The following DOP1B variants were observed in gnomAD, a reference collection of about 807,000 sequenced individuals.
DOP1B encodes the protein protein DOP1B.
DOP1B carries 174 observed loss-of-function variants against 233.5 expected under a neutral mutation model. That is an observed-to-expected ratio of 0.75 (90% CI 0.66 to 0.85). The LOEUF is 0.85. DOP1B is among the 40% of genes least tolerant of loss of function. The probability of loss-of-function intolerance (pLI) is 0.00; values close to 1 mark genes in which losing one functional copy is unlikely to be tolerated. For missense variants in DOP1B, 2,652 were observed against 2,846.6 expected (o/e 0.93, Z 1.56); for synonymous variants, 1,190 against 1,185.6 (o/e 1.00, Z -0.08).
At chr21:36,172,230 T>A (rs1355844769) in intron 2 of DOP1B, among the ~76,000 whole-genome samples, 1 of 152,086 alleles carries the variant, frequency 6.6e-6, no homozygotes, top group African/African-American at 2.4e-5. Context: ...CCAGGGAGGC[T>A]GTGAGCAAGG....
At chr21:36,235,869 G>T (rs1034094239) in intron 15 of DOP1B, among the ~76,000 whole-genome samples, 1 of 147,716 alleles carries the variant, frequency 6.8e-6, no homozygotes, top group Admixed American at 6.8e-5. Context: ...AAGTCGGGGG[G>T]GGGGCGGTCT....
chr21:36,259,436 A>G (rs1452496320), intron 23 of DOP1B, among the ~76,000 whole-genome samples: 1 of 150,532 alleles, frequency 6.6e-6, no homozygotes, highest in Non-Finnish European at 1.5e-5. Flanking sequence ...ATGCCCAGTT[A>G]ATTTTTTTGT....
intron 27 of DOP1B, among the ~76,000 whole-genome samples, chr21:36,271,284 CAGGTTGGAGTT>C (rs1368771173): frequency 0.061 from 8,954 of 146,946 alleles, 771 homozygotes; most frequent in African/African-American, 0.19. Context: ...GGAGTTCACC[CAGGTTGGAGTT>C]CACCCAGGTT....
chr21:36,269,327 G>C (rs2067261666), intron 26 of DOP1B, among the ~76,000 whole-genome samples: 2 of 151,310 alleles, frequency 1.3e-5, no homozygotes, highest in Non-Finnish European at 2.9e-5. Flanking sequence ...ACCTAATTTT[G>C]TATTCTTACT....
At chr21:36,183,470 C>T (rs1179497078) in intron 2 of DOP1B, among the ~76,000 whole-genome samples, 1 of 152,248 alleles carries the variant, frequency 6.6e-6, no homozygotes, top group Non-Finnish European at 1.5e-5. Context: ...ACCCGAGAGC[C>T]AGAGCCTGTT....
rs753447130 is a variant in DOP1B at position 36,245,647 on chromosome 21, G to T, written c.3667G>T (p.Ala1223Ser). The T allele has an allele frequency of 3.1e-6, 5 of 1,613,526 alleles. No individual in the cohort carries two copies. Among genetic ancestry groups the T allele is most frequent in the Non-Finnish European group, 4.2e-6 (5 of 1,179,984 alleles). ...QQRERQEAVE[A>S]LFKHILLYLQ... ...GCGGGAAAGGCAGGAGGCCGTCGAG[G>T]CCTTGTTCAAGCACATCCTGCTCTA... Residue 1223 changes from alanine to serine, a missense_variant, in exon 19 of 37, where the codon GCC (alanine) becomes TCC (serine). Physicochemically the swap from Ala to Ser is moderately conservative, Grantham distance 99. Transcript: ENST00000691173. The surrounding 1 kb of genome is among the most constrained non-coding windows in gnomAD (Gnocchi z 5.5).
intron 23 of DOP1B, 88 bp from the exon 24 acceptor site, chr21:36,260,589 G>C: frequency 6.4e-7 from 1 of 1,560,692 alleles, no homozygotes; most frequent in Non-Finnish European, 8.7e-7. Flanking sequence ...TGCTTTGTTA[G>C]GCTATAGATC....
intron 27 of DOP1B, among the ~76,000 whole-genome samples, chr21:36,273,636 C>T (rs1281814786): frequency 1.3e-5 from 2 of 151,996 alleles, no homozygotes; most frequent in Non-Finnish European, 2.9e-5. Context: ...GGCACTGCCC[C>T]GAGGGGATTG....
At chr21:36,232,367 A>G (rs2284633) in intron 14 of DOP1B, among the ~76,000 whole-genome samples, 16,482 of 152,206 alleles carry the variant, frequency 0.11, 1,224 homozygotes, top group East Asian at 0.25. Context: ...GGAAGCCAGA[A>G]GTCCAAGATC....
chr21:36,245,386 C>T lies in DOP1B; in HGVS notation c.3406C>T (p.Gln1136Ter). 6.2e-7 allele frequency: 1 copy of T among 1,614,102 alleles called. No homozygotes were observed. Among genetic ancestry groups the T allele is most frequent in the Non-Finnish European group, 8.5e-7 (1 of 1,180,050 alleles). The change falls in exon 19 of 37, where the codon CAG becomes TAG. Residue 1136 changes from glutamine to a stop codon, truncating the protein, a stop_gained. Coordinates refer to ENST00000691173, the MANE Select transcript of DOP1B (RefSeq NM_001320714.2). LOFTEE classifies it high-confidence loss of function. This position sits in a 1 kb window ranked among gnomAD's most constrained non-coding sequence, Gnocchi z 5.5. ...CTTCTCCTCCCCTTCCCACGACCTG[C>T]AGGAGCTGAGCAACGAAGAGAACTG... ...SSFSSPSHDL[Q>*]ELSNEENCCA...
intron 27 of DOP1B, among the ~76,000 whole-genome samples, chr21:36,271,294 T>TGCACCCAGG (rs1398632071): frequency 0.029 from 3,798 of 130,974 alleles, 140 homozygotes; most frequent in Admixed American, 0.1. Context: ...CAGGTTGGAG[T>TGCACCCAGG]TCACCCAGGT....
Position 36,211,568 on chromosome 21 carries a change from G to T in DOP1B, c.697G>T (p.Ala233Ser). Residue 233 changes from alanine to serine, a missense_variant, in exon 6 of 37, where the codon GCC becomes TCC. Ala to Ser is a moderately conservative substitution (Grantham distance 99). Coordinates refer to ENST00000691173, the MANE Select transcript of DOP1B (RefSeq NM_001320714.2). ...NHQLTVKSLRASLLDSNVLVQ... is the reference protein window; with the variant it reads ...NHQLTVKSLRSSLLDSNVLVQ... The stretch of plus-strand genomic sequence containing the variant: ...TCGTTTACAGGTGAAGTCTTTGCGT[G>T]CCTCCCTGTTGGACTCAAATGTTCT... The T allele has an allele frequency of 1.2e-6, 2 of 1,614,164 alleles. No individual in the cohort carries two copies. The highest frequency in any genetic ancestry group is 1.7e-6 in the Non-Finnish European group (2 of 1,180,006).
intron 2 of DOP1B, among the ~76,000 whole-genome samples, chr21:36,192,103 A>C (rs2066240404): frequency 6.6e-6 from 1 of 152,046 alleles, no homozygotes; most frequent in South Asian, 2.1e-4. Flanking sequence ...TCATGCCTAT[A>C]ATCTCAGCAC....
At chr21:36,239,122 C>G (rs1302235714) in intron 17 of DOP1B, among the ~76,000 whole-genome samples, 1 of 152,036 alleles carries the variant, frequency 6.6e-6, no homozygotes, top group Non-Finnish European at 1.5e-5. Context: ...AAAAGCTGAC[C>G]CCTGCACATG....
intron 6 of DOP1B, among the ~76,000 whole-genome samples, 158 bp downstream of exon 6, chr21:36,211,809 G>A (rs1047589094): frequency 6.6e-6 from 1 of 152,174 alleles, no homozygotes; most frequent in Admixed American, 6.5e-5. Flanking sequence ...CAAGGATAGC[G>A]TTTTCATTGC....
chr21:36,265,124 G>T (rs1006432547), intron 26 of DOP1B, among the ~76,000 whole-genome samples: 1 of 152,150 alleles, frequency 6.6e-6, no homozygotes, highest in Middle Eastern at 3.2e-3. Context: ...GGCCGTGTGC[G>T]GTGGCTCACG....
intron 2 of DOP1B, chr21:36,169,854 G>A (rs747670290): frequency 3.3e-5 from 29 of 886,284 alleles, no homozygotes; most frequent in South Asian, 7.9e-5. Context: ...CATCGTTGAT[G>A]TGCTCAGCAA....
intron 2 of DOP1B, among the ~76,000 whole-genome samples, chr21:36,174,306 G>A (rs12482883): frequency 0.067 from 10,227 of 152,150 alleles, 1,143 homozygotes; most frequent in African/African-American, 0.23. Context: ...TTGCTGACAT[G>A]GCGAAACCCC....
intron 16 of DOP1B, among the ~76,000 whole-genome samples, 180 bp from the exon 17 acceptor site, chr21:36,238,421 A>G (rs760599910): frequency 4.2e-4 from 64 of 152,168 alleles, no homozygotes; most frequent in Non-Finnish European, 1.8e-4. Context: ...GAGAGAGAGG[A>G]TGCAGGTTCT....
Sources: gnomAD v4.1 joint callset for allele counts (sites outside exome capture counted in the v4.1 genomes callset) on GRCh38, gnomAD v4.1.1 for gene constraint, Gnocchi (gnomAD v3.1) non-coding constraint, MANE v1.5 for transcripts, NCBI Gene and HGNC (gene_info 2026-07-23, HGNC 2026-07-21) for gene names.